The following FIG4 variants were observed in gnomAD, a reference collection of about 807,000 sequenced individuals.
FIG4 encodes FIG4 phosphoinositide 5-phosphatase.
Under a neutral mutation model 118.6 loss-of-function variants are expected in FIG4, and 112 were observed. That is an observed-to-expected ratio of 0.94 (90% CI 0.81 to 1.11). FIG4 has a LOEUF of 1.11. FIG4 is among the 50% of genes least tolerant of loss of function. FIG4 has a pLI of 0.00. For missense variants in FIG4, 969 were observed against 1,111.7 expected (o/e 0.87, Z 1.83); for synonymous variants, 369 against 381.2 (o/e 0.97, Z 0.37).
intron 10 of FIG4, among the ~76,000 whole-genome samples, chr6:109,756,556 C>T (rs770242163): frequency 5.3e-5 from 8 of 152,320 alleles, no homozygotes; most frequent in South Asian, 2.1e-4. Context: ...CCATTCTCCC[C>T]GTCACTTTCA....
intron 1 of FIG4, among the ~76,000 whole-genome samples, chr6:109,704,125 C>T (rs960861369): frequency 1.3e-5 from 2 of 152,212 alleles, no homozygotes; most frequent in African/African-American, 4.8e-5. Flanking sequence ...TGTTTCTTCT[C>T]CAGTCATCTC....
intron 15 of FIG4, among the ~76,000 whole-genome samples, chr6:109,768,335 A>G (rs2128392968): frequency 6.6e-6 from 1 of 152,210 alleles, no homozygotes; most frequent in Non-Finnish European, 1.5e-5. Context: ...TGGCAGCTTC[A>G]GAAGCATCTG....
chr6:109,805,094 G>A (rs900196193), intron 22 of FIG4, among the ~76,000 whole-genome samples: 2 of 152,128 alleles, frequency 1.3e-5, no homozygotes, highest in Admixed American at 6.5e-5. Flanking sequence ...TCAGTTTTAG[G>A]TATAGCAGCT....
intron 10 of FIG4, among the ~76,000 whole-genome samples, chr6:109,744,837 G>T (rs1776437444): frequency 7.2e-6 from 1 of 138,602 alleles, no homozygotes; most frequent in South Asian, 2.2e-4. Flanking sequence ...TCCCGTCCTT[G>T]TGTCCATGTG....
chr6:109,760,909 C>T (rs1457164959), intron 11 of FIG4, among the ~76,000 whole-genome samples: 1 of 152,170 alleles, frequency 6.6e-6, no homozygotes, highest in African/African-American at 2.4e-5. Flanking sequence ...CTCTTCTTCA[C>T]CCTCCCTGGG....
chr6:109,726,434 C>T (rs992130694), intron 3 of FIG4, among the ~76,000 whole-genome samples: 2 of 151,986 alleles, frequency 1.3e-5, no homozygotes, highest in African/African-American at 4.8e-5. Context: ...ATTTCTGAGG[C>T]CTCTGTTCTG....
chr6:109,808,860 G>GT (rs1778644086), intron 22 of FIG4, among the ~76,000 whole-genome samples: 1 of 151,968 alleles, frequency 6.6e-6, no homozygotes, highest in Admixed American at 6.6e-5. Flanking sequence ...TATGAGATCA[G>GT]TAGCAGTCTT....
chr6:109,779,626 T>C (rs1369934541), intron 16 of FIG4, among the ~76,000 whole-genome samples: 1 of 152,212 alleles, frequency 6.6e-6, no homozygotes, highest in African/African-American at 2.4e-5. Context: ...TTTTTTGGTG[T>C]CAGGGGAAGA....
At chr6:109,806,967 G>A (rs898548803) in intron 22 of FIG4, among the ~76,000 whole-genome samples, 1 of 152,120 alleles carries the variant, frequency 6.6e-6, no homozygotes, top group African/African-American at 2.4e-5. Context: ...GTATTCCATG[G>A]TGTATTTGTG....
chr6:109,691,550 C>T (rs201985085), intron 1 of FIG4, 49 bp downstream of exon 1: 91 of 1,471,018 alleles, frequency 6.2e-5, no homozygotes, highest in Admixed American at 1.2e-4. Context: ...GGATGTCTGC[C>T]GGTGGGTGTG....
chr6:109,812,497 G>A (rs1263408354), intron 22 of FIG4, among the ~76,000 whole-genome samples: 1 of 152,160 alleles, frequency 6.6e-6, no homozygotes, highest in East Asian at 1.9e-4. Context: ...TAGTGGACAA[G>A]GATGTAAGCA....
intron 16 of FIG4, among the ~76,000 whole-genome samples, chr6:109,782,460 A>G (rs764336326): frequency 5.3e-5 from 8 of 152,224 alleles, no homozygotes. Flanking sequence ...TAATATTTTT[A>G]AAAAGTTTAT....
intron 22 of FIG4, 37 bp downstream of exon 22, chr6:109,796,888 A>G (rs890404696): frequency 2.7e-5 from 32 of 1,181,772 alleles, no homozygotes; most frequent in Non-Finnish European, 3.8e-5. Flanking sequence ...AAATCTTTGT[A>G]TTCATGCCAC....
At chr6:109,801,285 C>T (rs966763472) in intron 22 of FIG4, among the ~76,000 whole-genome samples, 1 of 152,144 alleles carries the variant, frequency 6.6e-6, no homozygotes, top group Non-Finnish European at 1.5e-5. Context: ...TGGTGGCTCA[C>T]ACCTGTAATC....
chr6:109,788,746 T>G (rs1316142398), intron 18 of FIG4, among the ~76,000 whole-genome samples: 2 of 152,238 alleles, frequency 1.3e-5, no homozygotes, highest in Admixed American at 6.5e-5. Flanking sequence ...AATAGCTATT[T>G]TAGGCCAGAA....
At chr6:109,724,120 GA>G (rs1775704299) in intron 3 of FIG4, among the ~76,000 whole-genome samples, 1 of 152,042 alleles carries the variant, frequency 6.6e-6, no homozygotes, top group African/African-American at 2.4e-5. Context: ...CGGGGGGTGG[GA>G]GGAGGTTCCA....
intron 22 of FIG4, among the ~76,000 whole-genome samples, chr6:109,817,027 A>G (rs1778880311): frequency 6.6e-6 from 1 of 152,206 alleles, no homozygotes; most frequent in East Asian, 1.9e-4. Context: ...TCGCCGTATA[A>G]ATGTCTGATG....
At chr6:109,734,946 G>A (rs1776116039) in intron 5 of FIG4, among the ~76,000 whole-genome samples, 1 of 152,128 alleles carries the variant, frequency 6.6e-6, no homozygotes, top group African/African-American at 2.4e-5. Flanking sequence ...TCATGCAGAT[G>A]CCTAGTCATG....
chr6:109,704,675 C>CAAAAAAAAAAA (rs36013882), intron 1 of FIG4, among the ~76,000 whole-genome samples: 1 of 67,816 alleles, frequency 1.5e-5, no homozygotes, highest in Non-Finnish European at 2.7e-5. Flanking sequence ...GACTCCATCT[C>CAAAAAAAAAAA]AAAAAAAAAA....
Sources: gnomAD v4.1 joint callset for allele counts (sites outside exome capture counted in the v4.1 genomes callset) on GRCh38, gnomAD v4.1.1 for gene constraint, MANE v1.5 for transcripts, NCBI Gene and HGNC (gene_info 2026-07-23, HGNC 2026-07-21) for gene names.